ERICH6B: variants seen among roughly 807,000 people sequenced by gnomAD.
ERICH6B encodes the protein glutamate-rich protein 6B.
Under a neutral mutation model 80.0 loss-of-function variants are expected in ERICH6B, and 69 were observed. The observed-to-expected ratio is 0.86, with a 90% CI of 0.71 to 1.05. The LOEUF is 1.05. Among genes scored for constraint, ERICH6B ranks in the 50% least tolerant of loss-of-function variants. The pLI is 0.00. For synonymous variants in ERICH6B, 283 were observed against 291.9 expected, an observed-to-expected ratio of 0.97 and a Z score of 0.31; for missense variants, 754 against 796.1, an observed-to-expected ratio of 0.95 and a Z score of 0.64.
At chr13:45,594,475 C>T (rs1355970909) in intron 3 of ERICH6B, among the ~76,000 whole-genome samples, 2 of 152,162 alleles carry the variant, frequency 1.3e-5, no homozygotes, top group Non-Finnish European at 2.9e-5. Context: ...GCCCTGAATG[C>T]TATTTTTCAG....
intron 4 of ERICH6B, among the ~76,000 whole-genome samples, chr13:45,589,200 C>G (rs1876054770): frequency 6.6e-6 from 1 of 152,180 alleles, no homozygotes. Flanking sequence ...CCTCTCAGAA[C>G]TTGGAGGCCC....
intron 5 of ERICH6B, among the ~76,000 whole-genome samples, chr13:45,586,824 G>A (rs1875923127): frequency 6.6e-6 from 1 of 152,178 alleles, no homozygotes. Context: ...ATTTGTTTCA[G>A]TACTTTGCTG....
Position 45,596,635 on chromosome 13 carries a change from T to G in ERICH6B, c.371A>C (p.Glu124Ala). 6.5e-7 allele frequency: 1 copy of G among 1,547,270 alleles called. No homozygotes were observed. The highest frequency in any genetic ancestry group is 8.7e-7 in the Non-Finnish European group (1 of 1,143,424). ...EYLGKEGYLE[E>A]EEYLGKEEHL... The stretch of plus-strand genomic sequence containing the variant: ...CTCTTCCTTCCCCAGGTACTCTTCC[T>G]CCTCCAGATACCCTTCCTTCCCCAG... Residue 124 changes from glutamate to alanine, a missense_variant, in exon 3 of 15, where the codon GAG (glutamate) becomes GCG (alanine). Glu to Ala is a moderately radical substitution (Grantham distance 107). Coordinates refer to ENST00000298738, the MANE Select transcript of ERICH6B (RefSeq NM_182542.3).
At chr13:45,587,368 A>G (rs568948965) in intron 4 of ERICH6B, 136 bp from the exon 5 acceptor site, 3 of 711,800 alleles carry the variant, frequency 4.2e-6, no homozygotes, top group African/African-American at 3.6e-5. Flanking sequence ...GTTTGAAGAG[A>G]CTAGCTGTGA....
At chr13:45,612,306 G>A (rs772450010) in intron 1 of ERICH6B, among the ~76,000 whole-genome samples, 2 of 152,110 alleles carry the variant, frequency 1.3e-5, no homozygotes, top group South Asian at 4.2e-4. Flanking sequence ...CAGGCACTGG[G>A]GCCACAAGGT....
intron 8 of ERICH6B, among the ~76,000 whole-genome samples, chr13:45,568,768 G>A (rs1406962231): frequency 1.3e-5 from 2 of 152,122 alleles, no homozygotes; most frequent in East Asian, 3.8e-4. Context: ...AAGAAAACGG[G>A]ACCCATAAGA....
At position 45,565,325 on chromosome 13, in the gene ERICH6B, C is replaced by T. The variant is rs986558937; in HGVS notation, c.1188-1537G>A. Among the ~76,000 whole-genome samples, 24 of 152,316 alleles carry T rather than the reference C, an allele frequency of 1.6e-4. 1 individual carries two copies. Among genetic ancestry groups the T allele is most frequent in the Admixed American group, 1.6e-3 (24 of 15,308 alleles). On this transcript the variant is annotated intron_variant, in intron 9 of 14. Transcript: ENST00000298738. ...GGGCACCTTGTTTCACACAGCCTCT[C>T]CCTGGTGCCACTGCTGGAGAGTCTG...
intron 2 of ERICH6B, among the ~76,000 whole-genome samples, chr13:45,605,642 T>C (rs1199568550): frequency 6.6e-6 from 1 of 152,218 alleles, no homozygotes; most frequent in Non-Finnish European, 1.5e-5. Context: ...GTCATGTGTG[T>C]TTTGGAGGAG....
chr13:45,555,267 C>T (rs1277816870), intron 11 of ERICH6B, among the ~76,000 whole-genome samples: 1 of 152,142 alleles, frequency 6.6e-6, no homozygotes, highest in Non-Finnish European at 1.5e-5. Flanking sequence ...TATATGAGGG[C>T]TTCCAACGCC....
intron 11 of ERICH6B, among the ~76,000 whole-genome samples, chr13:45,551,803 C>T (rs1008892935): frequency 1.3e-5 from 2 of 152,134 alleles, no homozygotes; most frequent in African/African-American, 2.4e-5. Flanking sequence ...CTCTTGCTCT[C>T]GTTCTCTCTC....
intron 1 of ERICH6B, among the ~76,000 whole-genome samples, chr13:45,614,878 C>T (rs1420900603): frequency 6.6e-6 from 1 of 152,234 alleles, no homozygotes; most frequent in African/African-American, 2.4e-5. Flanking sequence ...TTCCATGGTG[C>T]CAGGCCTGGG....
At chr13:45,611,560 G>A (rs767755047) in intron 1 of ERICH6B, among the ~76,000 whole-genome samples, 9 of 152,210 alleles carry the variant, frequency 5.9e-5, no homozygotes, top group African/African-American at 2.2e-4. Context: ...GTCAGGAATT[G>A]CATCTAGAGC....
intron 9 of ERICH6B, 87 bp from the exon 10 acceptor site, chr13:45,563,875 TG>T (rs1874803188): frequency 3.5e-6 from 4 of 1,130,364 alleles, no homozygotes; most frequent in Non-Finnish European, 5.1e-6. Flanking sequence ...TACTGGAGCC[TG>T]CAGAGTCTCT....
At chr13:45,568,076 G>C (rs1245734382) in intron 9 of ERICH6B, among the ~76,000 whole-genome samples, 1 of 152,138 alleles carries the variant, frequency 6.6e-6, no homozygotes, top group Non-Finnish European at 1.5e-5. Context: ...TACCTCCCAT[G>C]CTTGCAATAT....
intron 5 of ERICH6B, among the ~76,000 whole-genome samples, chr13:45,585,106 TCA>T: frequency 6.6e-6 from 1 of 152,192 alleles, no homozygotes; most frequent in Non-Finnish European, 1.5e-5. Context: ...GGGACTTTCA[TCA>T]GAGTATGCTT....
rs999517751 is a variant in ERICH6B at position 45,596,307 on chromosome 13, A to G, written c.637+62T>C. The G allele has an allele frequency of 1.1e-5, 16 of 1,480,498 alleles. No individual in the cohort carries two copies. In the Admixed American group the frequency reaches 1.7e-4, roughly 16 times the overall value. 91.7% of individuals were successfully genotyped at this position (1,480,498 alleles called of 1,614,324 possible). A position where few individuals can be genotyped will look rare whatever the true frequency, so the allele number is the denominator to read the frequency against. On this transcript the variant is annotated intron_variant, in intron 3 of 14. Transcript: ENST00000298738. ...CTTTCCAGATACTCTTCTTCATCCA[A>G]CCTTCTTTCCCTTTCAGATACTTTT...
At chr13:45,550,420 C>A in intron 11 of ERICH6B, 104 bp from the exon 12 acceptor site, 1 of 851,964 alleles carries the variant, frequency 1.2e-6, no homozygotes, top group Non-Finnish European at 1.8e-6. Context: ...TCTCCGATGC[C>A]ACGTGCTACC....
intron 5 of ERICH6B, 22 bp downstream of exon 5, chr13:45,587,017 CACAGAGCCCGGCTGCGCCTCACCG>C: frequency 6.6e-7 from 1 of 1,524,544 alleles, no homozygotes; most frequent in Non-Finnish European, 8.8e-7. Flanking sequence ...TCCCCTGGCC[CACAGAGCCCGGCTGCGCCTCACCG>C]ACAGAGCGCA....
At chr13:45,568,962 A>C (rs1204209907) in intron 8 of ERICH6B, among the ~76,000 whole-genome samples, 1 of 152,238 alleles carries the variant, frequency 6.6e-6, no homozygotes, top group East Asian at 1.9e-4. Context: ...CCATGCTTTA[A>C]GAGCGTAACA....
Sources: allele counts gnomAD v4.1 joint callset (sites outside exome capture counted in the v4.1 genomes callset), GRCh38; gene constraint gnomAD v4.1.1; transcripts MANE v1.5; gene names NCBI Gene and HGNC (gene_info 2026-07-23, HGNC 2026-07-21).